Variants in ADAMTS17 observed in about 807,000 individuals in gnomAD.
The protein encoded by ADAMTS17 is ADAM metallopeptidase with thrombospondin type 1 motif 17, also known as A disintegrin and metalloproteinase with thrombospondin motifs 17.
Under a neutral mutation model 141.5 loss-of-function variants are expected in ADAMTS17, and 113 were observed. The ratio of observed to expected loss-of-function variants is 0.80; its 90% CI spans 0.69 to 0.93. The LOEUF (loss-of-function observed/expected upper bound fraction) is 0.93, where lower values mean the gene tolerates loss of function less well. ADAMTS17 is among the 40% of genes least tolerant of loss of function. The pLI is 0.00. For synonymous variants in ADAMTS17, 768 were observed against 630.6 expected, an observed-to-expected ratio of 1.22 and a Z score of -3.27; for missense variants, 1,659 against 1,517.9, an observed-to-expected ratio of 1.09 and a Z score of -1.54.
At chr15:100,313,654 T>G (rs2045472281) in intron 3 of ADAMTS17, among the ~76,000 whole-genome samples, 1 of 152,384 alleles carries the variant, frequency 6.6e-6, no homozygotes, top group South Asian at 2.1e-4. Flanking sequence ...ACATACAGCA[T>G]GTGCCTCCTG....
intron 3 of ADAMTS17, among the ~76,000 whole-genome samples, chr15:100,324,253 C>T (rs929026558): frequency 4.6e-5 from 7 of 151,734 alleles, no homozygotes; most frequent in Non-Finnish European, 8.8e-5. Context: ...TGCAGTGAGC[C>T]GAGATCACGC....
intron 15 of ADAMTS17, among the ~76,000 whole-genome samples, chr15:100,058,615 G>A (rs535865780): frequency 4.6e-5 from 7 of 152,234 alleles, no homozygotes; most frequent in African/African-American, 7.2e-5. Flanking sequence ...CAGAGGTGGC[G>A]GCTGGCCTGG....
At chr15:100,030,781 G>A (rs1336062789) in intron 18 of ADAMTS17, among the ~76,000 whole-genome samples, 2 of 152,290 alleles carry the variant, frequency 1.3e-5, no homozygotes, top group East Asian at 1.9e-4. Context: ...TATACTCTGG[G>A]ACCTGCCCGC....
chr15:100,281,089 A>G (rs2044263979), intron 4 of ADAMTS17, 140 bp downstream of exon 4: 2 of 1,255,984 alleles, frequency 1.6e-6, no homozygotes, highest in Middle Eastern at 2.8e-4. Context: ...CTCAATGCCC[A>G]GAATTACCAG....
intron 8 of ADAMTS17, among the ~76,000 whole-genome samples, chr15:100,155,867 A>G (rs1294327288): frequency 1.3e-5 from 2 of 152,208 alleles, no homozygotes; most frequent in Non-Finnish European, 2.9e-5. Context: ...TACCTGAGAC[A>G]TACCAGGATG....
chr15:100,258,033 T>TA (rs1433106601), intron 6 of ADAMTS17, among the ~76,000 whole-genome samples: 2 of 152,248 alleles, frequency 1.3e-5, no homozygotes, highest in African/African-American at 4.8e-5. Context: ...ATCCATGTTG[T>TA]AGCGCGTGTC....
intron 18 of ADAMTS17, among the ~76,000 whole-genome samples, chr15:100,017,608 A>G (rs1358916117): frequency 6.6e-6 from 1 of 152,166 alleles, no homozygotes; most frequent in Non-Finnish European, 1.5e-5. Context: ...AAGGATGGAA[A>G]CTTCCCCCGA....
chr15:99,974,712 G>T, intron 21 of ADAMTS17, 150 bp from the exon 22 acceptor site: 1 of 1,066,536 alleles, frequency 9.4e-7, no homozygotes. Flanking sequence ...CATGCCTCCT[G>T]CCAGGGCACT....
chr15:100,194,305 C>T (rs1213020458), intron 8 of ADAMTS17, among the ~76,000 whole-genome samples: 1 of 152,176 alleles, frequency 6.6e-6, no homozygotes, highest in Non-Finnish European at 1.5e-5. Flanking sequence ...CTGCCAGCAG[C>T]TGCACTAGGA....
In ADAMTS17 at chr15:100,142,889, T is replaced by C. The variant is rs145721560; in HGVS notation, c.1474-9574A>G. ...ACAGCTTTGTGCTCAATAACATTCT[T>C]AAACAGCGGCATAACATGCACACCT... On this transcript the variant is annotated intron_variant, in intron 10 of 21. Transcript: ENST00000268070. Among the ~76,000 whole-genome samples, 308 of 152,344 alleles carry C rather than the reference T, an allele frequency of 2.0e-3. 1 individual carries two copies. The highest frequency in any genetic ancestry group is 7.0e-3 in the African/African-American group (290 of 41,578).
chr15:100,264,006 C>T (rs1366046978), intron 4 of ADAMTS17, among the ~76,000 whole-genome samples: 1 of 152,238 alleles, frequency 6.6e-6, no homozygotes, highest in Non-Finnish European at 1.5e-5. Context: ...ACAAAGGAAT[C>T]AGCCGTGTCA....
At chr15:100,156,027 A>T (rs962102991) in intron 8 of ADAMTS17, among the ~76,000 whole-genome samples, 1 of 152,220 alleles carries the variant, frequency 6.6e-6, no homozygotes, top group Non-Finnish European at 1.5e-5. Context: ...CCCAACGTGT[A>T]TAAGGATGAC....
chr15:100,134,980 G>C (rs1038249046), intron 10 of ADAMTS17, among the ~76,000 whole-genome samples: 7 of 152,160 alleles, frequency 4.6e-5, no homozygotes, highest in Non-Finnish European at 7.3e-5. Context: ...TCTGACCTGC[G>C]AGCTCTTTGA....
chr15:100,252,520 G>A (rs2043185724), intron 7 of ADAMTS17, among the ~76,000 whole-genome samples: 2 of 152,118 alleles, frequency 1.3e-5, no homozygotes, highest in African/African-American at 2.4e-5. Context: ...GAGGCGCCCC[G>A]GACATGGGTA....
chr15:100,100,505 G>C (rs767661556), intron 14 of ADAMTS17, among the ~76,000 whole-genome samples: 14 of 152,058 alleles, frequency 9.2e-5, no homozygotes, highest in Non-Finnish European at 1.9e-4. Context: ...CTTAATTCTA[G>C]TTGGACACCC....
intron 15 of ADAMTS17, among the ~76,000 whole-genome samples, chr15:100,096,003 G>C (rs969872022): frequency 6.6e-6 from 1 of 152,212 alleles, no homozygotes; most frequent in African/African-American, 2.4e-5. Flanking sequence ...TCCATCGACA[G>C]GTAAAATGAT....
chr15:100,132,354 T>C (rs558556227), intron 11 of ADAMTS17, among the ~76,000 whole-genome samples: 2 of 152,360 alleles, frequency 1.3e-5, no homozygotes, highest in South Asian at 2.1e-4. Context: ...GCTGTAGGGT[T>C]TGGATTTTGC....
intron 15 of ADAMTS17, 96 bp downstream of exon 15, chr15:100,096,260 C>T: frequency 1.9e-6 from 3 of 1,589,526 alleles, no homozygotes; most frequent in Non-Finnish European, 2.6e-6. Flanking sequence ...ACCATCTAGC[C>T]CTTAAATATG....
intron 18 of ADAMTS17, among the ~76,000 whole-genome samples, chr15:99,999,268 A>G (rs1380636212): frequency 1.3e-5 from 2 of 152,202 alleles, no homozygotes; most frequent in Non-Finnish European, 2.9e-5. Flanking sequence ...CATAGCATCT[A>G]TAACAAATAT....
Sources: gnomAD v4.1 joint callset for allele counts (sites outside exome capture counted in the v4.1 genomes callset) on GRCh38, gnomAD v4.1.1 for gene constraint, MANE v1.5 for transcripts, NCBI Gene and HGNC (gene_info 2026-07-23, HGNC 2026-07-21) for gene names.